The following OR2L13 variants were observed in gnomAD, a reference collection of about 807,000 sequenced individuals.
OR2L13 encodes the protein olfactory receptor 2L13.
In OR2L13, 14 loss-of-function variants were observed where a neutral mutation model predicts 15.3. The ratio of observed to expected loss-of-function variants is 0.91; its 90% CI spans 0.60 to 1.43. The LOEUF (loss-of-function observed/expected upper bound fraction) is 1.43, where lower values mean the gene tolerates loss of function less well. Among genes scored for constraint, OR2L13 ranks in the 40% most tolerant of loss-of-function variants. The probability of loss-of-function intolerance (pLI) is 0.00; values close to 1 mark genes in which losing one functional copy is unlikely to be tolerated. For missense variants in OR2L13, 367 were observed against 387.9 expected, an observed-to-expected ratio of 0.95 and a Z score of 0.45; for synonymous variants, 152 against 142.9, an observed-to-expected ratio of 1.06 and a Z score of -0.45.
At chr1:248,036,446 T>A in the OR2L13 span, among the ~76,000 whole-genome samples, 1 of 152,322 alleles carries the variant, frequency 6.6e-6, no homozygotes, top group African/African-American at 2.4e-5. Context: ...ATTCTTAATT[T>A]TAAAAACTCA....
the OR2L13 span, among the ~76,000 whole-genome samples, chr1:247,956,324 C>A: frequency 6.6e-6 from 1 of 151,654 alleles, no homozygotes; most frequent in Non-Finnish European, 1.5e-5. Context: ...GGTACCAGTA[C>A]CATGCTGTTT....
chr1:248,027,995 G>A, the OR2L13 span, among the ~76,000 whole-genome samples: 1 of 151,770 alleles, frequency 6.6e-6, no homozygotes, highest in Non-Finnish European at 1.5e-5. Context: ...AAAAAAATTA[G>A]CTGGGCGTGG....
chr1:247,939,522 A>G, the OR2L13 span: 1 of 152,202 alleles, frequency 6.6e-6, no homozygotes, highest in Non-Finnish European at 1.5e-5. Flanking sequence ...CTTTCCTTGC[A>G]CTTACACTCA....
At chr1:248,000,732 T>G in the OR2L13 span, among the ~76,000 whole-genome samples, 2 of 151,976 alleles carry the variant, frequency 1.3e-5, no homozygotes, top group Non-Finnish European at 2.9e-5. Context: ...TCATTTAGAG[T>G]TTCTGAGAAA....
At chr1:248,076,136 T>C in the OR2L13 span, among the ~76,000 whole-genome samples, 2 of 152,192 alleles carry the variant, frequency 1.3e-5, no homozygotes, top group Non-Finnish European at 2.9e-5. Flanking sequence ...TTCTCAGATT[T>C]GTCAAAGATC....
the OR2L13 span, among the ~76,000 whole-genome samples, chr1:248,005,298 C>G: frequency 2.0e-5 from 3 of 151,964 alleles, no homozygotes; most frequent in Non-Finnish European, 2.9e-5. Flanking sequence ...CACATACCCT[C>G]CATAATTATA....
At chr1:248,050,910 TG>T in the OR2L13 span, among the ~76,000 whole-genome samples, 2 of 152,316 alleles carry the variant, frequency 1.3e-5, no homozygotes, top group East Asian at 3.9e-4. Context: ...TGCTCTGCCA[TG>T]GCTTAGAAAC....
the OR2L13 span, among the ~76,000 whole-genome samples, chr1:247,941,021 G>A: frequency 2.0e-5 from 3 of 151,802 alleles, no homozygotes; most frequent in East Asian, 1.9e-4. Context: ...GTATTTTTTC[G>A]TATGCTTGTT....
the OR2L13 span, among the ~76,000 whole-genome samples, chr1:248,087,230 A>G: frequency 1.3e-5 from 2 of 152,188 alleles, no homozygotes; most frequent in South Asian, 2.1e-4. Context: ...TACAAATTCA[A>G]TCATTTGACC....
chr1:248,076,550 A>G, the OR2L13 span, among the ~76,000 whole-genome samples: 14 of 152,186 alleles, frequency 9.2e-5, no homozygotes, highest in East Asian at 2.7e-3. Flanking sequence ...TCTCCTTGAA[A>G]AGGTCCTTCA....
the OR2L13 span, among the ~76,000 whole-genome samples, chr1:248,017,558 G>T: frequency 6.6e-6 from 1 of 152,214 alleles, no homozygotes; most frequent in Admixed American, 6.5e-5. Context: ...GGGGAAGCAG[G>T]ACAGGCTTCT....
At chr1:247,997,718 G>C in the OR2L13 span, among the ~76,000 whole-genome samples, 1 of 152,132 alleles carries the variant, frequency 6.6e-6, no homozygotes, top group African/African-American at 2.4e-5. Flanking sequence ...GTTTACCCTT[G>C]ACATGCCTTG....
At chr1:247,958,269 C>A in the OR2L13 span, among the ~76,000 whole-genome samples, 1 of 152,022 alleles carries the variant, frequency 6.6e-6, no homozygotes, top group Non-Finnish European at 1.5e-5. Flanking sequence ...AGTTTTTTAA[C>A]CCCAAGGTCT....
the OR2L13 span, among the ~76,000 whole-genome samples, chr1:247,998,383 AC>A: frequency 6.6e-6 from 1 of 152,232 alleles, no homozygotes; most frequent in African/African-American, 2.4e-5. Context: ...ACCCACATTC[AC>A]AATAATTATT....
chr1:248,007,681 G>C, the OR2L13 span, among the ~76,000 whole-genome samples: 145 of 152,146 alleles, frequency 9.5e-4, 3 homozygotes, highest in Non-Finnish European at 2.6e-4. Flanking sequence ...ATGTTATGCT[G>C]TAGTTATTAT....
the OR2L13 span, among the ~76,000 whole-genome samples, chr1:248,006,489 G>T: frequency 6.6e-6 from 1 of 152,048 alleles, no homozygotes; most frequent in Non-Finnish European, 1.5e-5. Flanking sequence ...CCCTTTGAGT[G>T]TGGGACCCTG....
At chr1:247,997,731 A>T in the OR2L13 span, among the ~76,000 whole-genome samples, 1 of 152,192 alleles carries the variant, frequency 6.6e-6, no homozygotes, top group Admixed American at 6.5e-5. Context: ...ATGCCTTGAA[A>T]CATCTAAATA....
chr1:247,995,724 T>G, the OR2L13 span, among the ~76,000 whole-genome samples: 1 of 151,130 alleles, frequency 6.6e-6, no homozygotes, highest in Non-Finnish European at 1.5e-5. Flanking sequence ...AGCATTTATT[T>G]TTTGTTTATT....
At chr1:247,959,038 C>T in the OR2L13 span, among the ~76,000 whole-genome samples, 21 of 152,232 alleles carry the variant, frequency 1.4e-4, no homozygotes, top group South Asian at 2.1e-4. Context: ...TTCCTAGCCT[C>T]GATGGTCTTT....
Sources: allele counts gnomAD v4.1 joint callset (sites outside exome capture counted in the v4.1 genomes callset), GRCh38; gene constraint gnomAD v4.1.1; transcripts MANE v1.5; gene names NCBI Gene and HGNC (gene_info 2026-07-23, HGNC 2026-07-21).